The following CPXM1 variants were observed in gnomAD, a reference collection of about 807,000 sequenced individuals.
The protein encoded by CPXM1 is probable carboxypeptidase X1.
A neutral mutation model predicts 80.4 loss-of-function variants in CPXM1; 72 were observed. The observed-to-expected ratio is 0.90, with a 90% confidence interval of 0.74 to 1.09. CPXM1 has a LOEUF of 1.09. Ranked by LOEUF, CPXM1 falls within the 50% of genes least tolerant of loss-of-function variation. The pLI, the probability that CPXM1 is intolerant of heterozygous loss-of-function variation, is 0.00. For synonymous variants in CPXM1, 403 were observed against 405.6 expected (o/e 0.99, Z 0.08); for missense variants, 892 against 999.4 (o/e 0.89, Z 1.45).
In CPXM1 at chr20:2,794,120, CTCCCTCTCTACTCT is replaced by C; in HGVS notation, c.*56_*69del. On this transcript the variant is annotated 3_prime_UTR_variant, in exon 14 of 14. Transcript: ENST00000380605. This position sits in a 1 kb window ranked among gnomAD's most constrained non-coding sequence, Gnocchi z 5.2. Reference sequence around the variant, plus strand: ...TGAGCACCTTTTCCTCACTTTGTCCCTCCCTCTCTACTCTTCCCCTTCCCGTCTTGACAGGTCCA... The same window carrying C: ...TGAGCACCTTTTCCTCACTTTGTCCCTCCCCTTCCCGTCTTGACAGGTCCA... The C allele has an allele frequency of 6.6e-7, 1 of 1,522,844 alleles. No individual in the cohort carries two copies. Among genetic ancestry groups the C allele is most frequent in the Non-Finnish European group, 8.8e-7 (1 of 1,136,174 alleles). The allele number at this position is 1,522,844 out of a possible 1,614,324, so 94.3% of individuals were successfully genotyped here.
chr20:2,796,647 T>A lies in CPXM1; in HGVS notation c.925A>T (p.Met309Leu), dbSNP rs771741874. ...GGGCATTGCTCTTGTACCTGCTTCA[T>A]CAGCTGGTGGGCAGAGTGTAGCGTG... ...HHNYKAMRKLMKQVQEQCPNI... is the reference protein window; with the variant it reads ...HHNYKAMRKLLKQVQEQCPNI... The change falls in exon 8 of 14, where the codon ATG (methionine) becomes TTG (leucine). Residue 309 changes from methionine to leucine, a missense_variant. By Grantham distance (15) the Met-to-Leu change is conservative. Coordinates refer to ENST00000380605, the MANE Select transcript of CPXM1 (RefSeq NM_019609.5). This position sits in a 1 kb window ranked among gnomAD's most constrained non-coding sequence, Gnocchi z 6.8. The A allele has an allele frequency of 6.2e-7, 1 of 1,614,068 alleles. No individual in the cohort carries two copies. Among genetic ancestry groups the A allele is most frequent in the Admixed American group, 1.7e-5 (1 of 60,010 alleles).
chr20:2,798,131 C>G (rs1413707821), intron 4 of CPXM1, 21 bp downstream of exon 4: 2 of 1,613,722 alleles, frequency 1.2e-6, no homozygotes, highest in East Asian at 2.2e-5. Context: ...GACCTCCTGA[C>G]CTAGGGTTAG....
chr20:2,797,970 C>A lies in CPXM1; in HGVS notation c.679G>T (p.Ala227Ser). 6.2e-7 allele frequency: 1 copy of A among 1,613,664 alleles called. No homozygotes were observed. Among genetic ancestry groups the A allele is most frequent in the Non-Finnish European group, 8.5e-7 (1 of 1,179,578 alleles). The change falls in exon 5 of 14, where the codon GCA becomes TCA. Residue 227 changes from alanine (A) to serine (S), a missense_variant and splice_region_variant. This residue lies in a region of CPXM1 where 874 missense variants were observed against 958.4 expected (regional missense o/e 0.91). Coordinates refer to ENST00000380605, the MANE Select transcript of CPXM1 (RefSeq NM_019609.5). ...CCAGCCACAGTGGGACCACTCACTG[C>A]GTCCATCCCACTGCTGTGGTTCCTA... ...GSRNHSSGMD[A>S]VFPANSDPET... is the part of the protein sequence containing the mutation.
Position 2,794,232 on chromosome 20 carries a change from G to A in CPXM1, c.2163C>T (p.Asp721=), listed in dbSNP as rs2088480620. The A allele has an allele frequency of 2.5e-6, 4 of 1,613,904 alleles. No individual in the cohort carries two copies. Among genetic ancestry groups the A allele is most frequent in the Non-Finnish European group, 3.4e-6 (4 of 1,180,030 alleles). Residue 721 remains aspartate (D), a synonymous_variant, in exon 14 of 14, where the codon GAC becomes GAT. Transcript: ENST00000380605. This position sits in a 1 kb window ranked among gnomAD's most constrained non-coding sequence, Gnocchi z 5.2. ...LLAAGAKVPP[D]LRRRLERLRG... ...TTAGCCGCTCCAGGCGCCTGCGAAGGTCCGGGGGCACCTTGGCCCCAGCTG... is the reference window on the plus strand; with the variant it reads ...TTAGCCGCTCCAGGCGCCTGCGAAGATCCGGGGGCACCTTGGCCCCAGCTG...
chr20:2,796,923 C>G lies in CPXM1; in HGVS notation c.921+83G>C. On this transcript the variant is annotated intron_variant, in intron 7 of 13. Transcript: ENST00000380605. The surrounding 1 kb of genome is among the most constrained non-coding windows in gnomAD (Gnocchi z 6.8). Reference sequence around the variant, plus strand: ...CAGGGGCATACAAGCGCAGTCACAGCAGGTTGTGCCCCGGTGGGAAGGTGG... The same window carrying G: ...CAGGGGCATACAAGCGCAGTCACAGGAGGTTGTGCCCCGGTGGGAAGGTGG... The G allele has an allele frequency of 3.1e-6, 4 of 1,305,430 alleles. No homozygotes were observed. In the South Asian group the frequency reaches 4.9e-5, roughly 16 times the overall value. The allele number at this position is 1,305,430 out of a possible 1,614,324, so 80.9% of individuals were successfully genotyped here.
At position 2,795,881 on chromosome 20, in the gene CPXM1, G is replaced by A. The variant is rs41309351; in HGVS notation, c.1438C>T (p.Arg480Trp). The A allele has an allele frequency of 4.2e-3, 6,780 of 1,609,934 alleles. 20 individuals carry two copies. Among genetic ancestry groups the A allele is most frequent in the Non-Finnish European group, 5.2e-3 (6,099 of 1,177,222 alleles). Residue 480 changes from arginine to tryptophan, a missense_variant, in exon 11 of 14, where the codon CGG becomes TGG. Coordinates refer to ENST00000380605, the MANE Select transcript of CPXM1 (RefSeq NM_019609.5). The surrounding 1 kb of genome is among the most constrained non-coding windows in gnomAD (Gnocchi z 5.4). ...CGCTTCATCCACTTGATTACTGCCC[G>A]CGTTTCAGGAGCCACCTGGATGGGG... ...LPNATVAPETRAVIKWMKRIP... is the reference protein window; with the variant it reads ...LPNATVAPETWAVIKWMKRIP...
Position 2,795,530 on chromosome 20 carries a change from GCA to G in CPXM1, c.1720+67_1720+68del. 1 of 1,587,062 alleles carries G rather than the reference GCA, an allele frequency of 6.3e-7. No individual in the cohort carries two copies. Among genetic ancestry groups the G allele is most frequent in the Non-Finnish European group, 8.6e-7 (1 of 1,163,350 alleles). ...GTGGGAACAGACGCCAGCACTGTACGCAACCGCAGGCTGTCTTATCAGGGCGG... is the reference window on the plus strand; with the variant it reads ...GTGGGAACAGACGCCAGCACTGTACGACCGCAGGCTGTCTTATCAGGGCGG... On this transcript the variant is annotated intron_variant, in intron 11 of 13. Coordinates refer to ENST00000380605, the MANE Select transcript of CPXM1 (RefSeq NM_019609.5). The surrounding 1 kb of genome is among the most constrained non-coding windows in gnomAD (Gnocchi z 5.4).
rs546064620 is a variant in CPXM1, at chr20:2,794,721, T to C, written c.1861-82A>G. The C allele has an allele frequency of 8.9e-7, 1 of 1,117,880 alleles. No individual in the cohort carries two copies. Among genetic ancestry groups the C allele is most frequent in the Non-Finnish European group, 1.3e-6 (1 of 748,226 alleles). The allele number at this position is 1,117,880 out of a possible 1,614,324, so 69.2% of individuals were successfully genotyped here. ...AGCTAACTTGCTGGCTCTGTTGCCC[T>C]GCAAACCTGAGCAAAGTGGTAGGTC... On this transcript the variant is annotated intron_variant, in intron 12 of 13. Coordinates refer to ENST00000380605, the MANE Select transcript of CPXM1 (RefSeq NM_019609.5). The surrounding 1 kb of genome is among the most constrained non-coding windows in gnomAD (Gnocchi z 5.2).
chr20:2,794,196 C>T lies in CPXM1; in HGVS notation c.2199G>A (p.Lys733=). The part of the protein sequence containing the change: ...RRRLERLRGQ[K]D Reference sequence around the variant, plus strand: ...GGCTCTTAAACCGCAGGTATCAATCCTTCTGTCCCCTTAGCCGCTCCAGGC... The same window carrying T: ...GGCTCTTAAACCGCAGGTATCAATCTTTCTGTCCCCTTAGCCGCTCCAGGC... The change falls in exon 14 of 14, where the codon AAG becomes AAA. Residue 733 remains lysine, a synonymous_variant. Coordinates refer to ENST00000380605, the MANE Select transcript of CPXM1 (RefSeq NM_019609.5). The surrounding 1 kb of genome is among the most constrained non-coding windows in gnomAD (Gnocchi z 5.2). 6.2e-7 allele frequency: 1 copy of T among 1,610,892 alleles called. No individual in the cohort carries two copies.
chr20:2,798,852 T>C lies in CPXM1; in HGVS notation c.214A>G (p.Lys72Glu), dbSNP rs772900040. The C allele has an allele frequency of 1.2e-6, 2 of 1,614,072 alleles. No homozygotes were observed. The highest frequency in any genetic ancestry group is 2.2e-5 in the East Asian group (1 of 44,880). ...TTCCGCTTCTTCATAATGACCTTTT[T>C]CTTCTTGATGACTCGAATCCGGACA... ...QHVRIRVIKK[K>E]KVIMKKRKKL... The change falls in exon 2 of 14, where the codon AAA (lysine) becomes GAA (glutamate). Residue 72 changes from lysine to glutamate, a missense_variant. This residue lies in a region of CPXM1 where 874 missense variants were observed against 958.4 expected (regional missense o/e 0.91). Coordinates refer to ENST00000380605, the MANE Select transcript of CPXM1 (RefSeq NM_019609.5).
rs2088513996 is a variant in CPXM1, at chr20:2,796,714, G to A, written c.922-64C>T. The A allele has an allele frequency of 1.3e-6, 2 of 1,592,360 alleles. No individual in the cohort carries two copies. On this transcript the variant is annotated intron_variant, in intron 7 of 13. Transcript: ENST00000380605. This position sits in a 1 kb window ranked among gnomAD's most constrained non-coding sequence, Gnocchi z 6.8. The stretch of plus-strand genomic sequence containing the variant: ...GGGTACACCCAGGGGCAGATCACAT[G>A]TGCCATGGAAAGACTTAAAAAGTCA...
intron 5 of CPXM1, 129 bp downstream of exon 5, chr20:2,797,839 C>T (rs968290844): frequency 1.5e-5 from 12 of 810,464 alleles, no homozygotes; most frequent in Non-Finnish European, 2.4e-5. Context: ...ACCCTCTTGA[C>T]AACAAGCCAC....
chr20:2,795,203 C>G lies in CPXM1; in HGVS notation c.1860+74G>C, dbSNP rs887094000. The G allele has an allele frequency of 2.6e-6, 4 of 1,544,904 alleles. No individual in the cohort carries two copies. Among genetic ancestry groups the G allele is most frequent in the Admixed American group, 1.8e-5 (1 of 56,164 alleles). On this transcript the variant is annotated intron_variant, in intron 12 of 13. Coordinates refer to ENST00000380605, the MANE Select transcript of CPXM1 (RefSeq NM_019609.5). This position sits in a 1 kb window ranked among gnomAD's most constrained non-coding sequence, Gnocchi z 5.4. ...TGCTCAGCTGGACCTTAGAAGAACC[C>G]CTGGTAGGAGCTGTAGCCTAAATGG...
intron 3 of CPXM1, 25 bp downstream of exon 3, chr20:2,798,403 A>G (rs377341410): frequency 8.1e-6 from 13 of 1,606,512 alleles, no homozygotes; most frequent in Non-Finnish European, 1.1e-5. Flanking sequence ...CCCTGAGACC[A>G]TGGCTCCGAG....
rs141160474 is a variant in CPXM1, at chr20:2,795,765, G to A, written c.1554C>T (p.Arg518=). 3.0e-4 allele frequency: 484 copies of A among 1,613,370 alleles called. 1 individual carries two copies. In the African/African-American group the frequency reaches 5.9e-3, roughly 20 times the overall value. ...CATCATCTGGTGTGGGCGTGAGCTC[G>A]CGGGCAGCCCACGGGGTGCGAGTCA... The part of the protein sequence containing the change: ...FDMTRTPWAA[R]ELTPTPDDAV... Residue 518 remains arginine, a synonymous_variant, in exon 11 of 14, where the codon CGC becomes CGT. Coordinates refer to ENST00000380605, the MANE Select transcript of CPXM1 (RefSeq NM_019609.5). The surrounding 1 kb of genome is among the most constrained non-coding windows in gnomAD (Gnocchi z 5.4).
In CPXM1 at chr20:2,795,564, C is replaced by G; in HGVS notation, c.1720+35G>C. On this transcript the variant is annotated intron_variant, in intron 11 of 13. Coordinates refer to ENST00000380605, the MANE Select transcript of CPXM1 (RefSeq NM_019609.5). The surrounding 1 kb of genome is among the most constrained non-coding windows in gnomAD (Gnocchi z 5.4). ...GGCTGTCTTATCAGGGCGGGGGTTA[C>G]GGGGCCAGGGCTAACTCCACCCTCA... 6.2e-7 allele frequency: 1 copy of G among 1,601,686 alleles called. No homozygotes were observed. The highest frequency in any genetic ancestry group is 8.5e-7 in the Non-Finnish European group (1 of 1,171,468).
chr20:2,798,963 G>A (rs1052506454), intron 1 of CPXM1, 70 bp from the exon 2 acceptor site: 1 of 1,512,184 alleles, frequency 6.6e-7, no homozygotes, highest in African/African-American at 1.4e-5. Context: ...AGGTCTGCCA[G>A]CCCAAGAAGA....
rs761705901 is a variant in CPXM1 at position 2,795,556 on chromosome 20, G to A, written c.1720+43C>T. On this transcript the variant is annotated intron_variant, in intron 11 of 13. Coordinates refer to ENST00000380605, the MANE Select transcript of CPXM1 (RefSeq NM_019609.5). The surrounding 1 kb of genome is among the most constrained non-coding windows in gnomAD (Gnocchi z 5.4). ...CAACCGCAGGCTGTCTTATCAGGGC[G>A]GGGGTTACGGGGCCAGGGCTAACTC... 34 of 1,599,512 alleles carry A rather than the reference G, an allele frequency of 2.1e-5. No homozygotes were observed. Among genetic ancestry groups the A allele is most frequent in the East Asian group, 9.0e-5 (4 of 44,572 alleles).
At position 2,796,611 on chromosome 20, in the gene CPXM1, G is replaced by T. The variant is rs138560626; in HGVS notation, c.961C>A (p.Arg321Ser). ...TAGCTCTTCCCAATGCTGTAGATGC[G>T]GGTGATGTTGGGGCATTGCTCTTGT... ...QVQEQCPNIT[R>S]IYSIGKSYQG... Residue 321 changes from arginine to serine, a missense_variant, in exon 8 of 14, where the codon CGC becomes AGC. This residue lies in a region of CPXM1 where 874 missense variants were observed against 958.4 expected (regional missense o/e 0.91). Coordinates refer to ENST00000380605, the MANE Select transcript of CPXM1 (RefSeq NM_019609.5). The surrounding 1 kb of genome is among the most constrained non-coding windows in gnomAD (Gnocchi z 6.8). 1.9e-6 allele frequency: 3 copies of T among 1,614,034 alleles called. No individual in the cohort carries two copies. The highest frequency in any genetic ancestry group is 1.3e-5 in the African/African-American group (1 of 74,928).
Sources: allele counts gnomAD v4.1 joint callset, GRCh38; gene constraint gnomAD v4.1.1; regional missense constraint gnomAD v4.1.1; non-coding constraint Gnocchi (gnomAD v3.1); transcripts MANE v1.5; gene names NCBI Gene and HGNC (gene_info 2026-07-23, HGNC 2026-07-21).